IPO7: variants seen among roughly 807,000 people sequenced by gnomAD.
IPO7 encodes importin-7.
Under a neutral mutation model 136.4 loss-of-function variants are expected in IPO7, and 13 were observed. That is an observed-to-expected ratio of 0.10 (90% CI 0.06 to 0.15). The LOEUF is 0.15. Among genes scored for constraint, IPO7 ranks in the 10% least tolerant of loss-of-function variants. The pLI is 1.00. For synonymous variants in IPO7, 403 were observed against 404.4 expected (o/e 1.00, Z 0.04); for missense variants, 857 against 1,240.6 (o/e 0.69, Z 4.65).
intron 3 of IPO7, among the ~76,000 whole-genome samples, chr11:9,408,906 G>T (rs550920026): frequency 6.6e-5 from 10 of 151,516 alleles, no homozygotes; most frequent in African/African-American, 2.4e-4. Context: ...TAGAGACAGG[G>T]TTTCACCATG....
intron 3 of IPO7, 73 bp downstream of exon 3, chr11:9,408,712 T>C (rs1293556523): frequency 1.0e-6 from 1 of 988,410 alleles, no homozygotes; most frequent in Non-Finnish European, 1.4e-6. Context: ...TGGTTTTTTT[T>C]TTTTTTTTTT....
chr11:9,411,309 A>G (rs1396735437), intron 4 of IPO7, among the ~76,000 whole-genome samples: 1 of 152,190 alleles, frequency 6.6e-6, no homozygotes, highest in Non-Finnish European at 1.5e-5. Context: ...TGTGGACTGA[A>G]GCAGTTCTAA....
rs775480479 is a variant in IPO7, at chr11:9,436,363, C to T, written c.2265C>T (p.Asp755=). The part of the protein sequence containing the change: ...IILQCKGRGI[D]QCIPLFVEAA... The stretch of plus-strand genomic sequence containing the variant: ...TGCAGTGCAAAGGGCGTGGCATTGA[C>T]CAGGTCAGTGAAGCTAATAATGATT... The change falls in exon 20 of 25, where the codon GAC becomes GAT. Residue 755 remains aspartate (D), a synonymous_variant. Transcript: ENST00000379719. 3 of 1,603,650 alleles carry T rather than the reference C, an allele frequency of 1.9e-6. No homozygotes were observed. The highest frequency in any genetic ancestry group is 1.7e-4 in the Middle Eastern group (1 of 6,042).
At chr11:9,420,150 A>G (rs931471628) in intron 6 of IPO7, 1 of 367,622 alleles carries the variant, frequency 2.7e-6, no homozygotes, top group Admixed American at 4.3e-5. Context: ...CGTCTCTACT[A>G]AAAATACAAA....
chr11:9,431,135 ATATTT>A, intron 16 of IPO7, 132 bp downstream of exon 16: 2 of 585,696 alleles, frequency 3.4e-6, no homozygotes, highest in Non-Finnish European at 5.7e-6. Context: ...TTGGTACATT[ATATTT>A]TAAGTTCTAA....
chr11:9,400,810 T>C (rs1281633253), intron 1 of IPO7, among the ~76,000 whole-genome samples: 1 of 152,212 alleles, frequency 6.6e-6, no homozygotes, highest in Non-Finnish European at 1.5e-5. Flanking sequence ...GAAAATTATA[T>C]TCAAAGGAAA....
At position 9,447,665 on chromosome 11, in the gene IPO7, G is replaced by A. The variant is rs182707959; in HGVS notation, c.*2471G>A. The A allele has an allele frequency of 5.9e-5, 9 of 152,012 alleles. No homozygotes were observed. The highest frequency in any genetic ancestry group is 5.2e-4 in the Admixed American group (8 of 15,246). 9.4% of individuals were successfully genotyped at this position (152,012 alleles called of 1,614,324 possible). ...CTGTAATTTTTTTTTAGTTGTAGAA[G>A]TTAATTCTGATTTTGTGTGGATTTC... On this transcript the variant is annotated 3_prime_UTR_variant, in exon 25 of 25. Coordinates refer to ENST00000379719, the MANE Select transcript of IPO7 (RefSeq NM_006391.3).
chr11:9,408,554 T>A lies in IPO7; in HGVS notation c.235T>A (p.Ser79Thr), dbSNP rs770375683. The A allele has an allele frequency of 1.2e-6, 2 of 1,608,532 alleles. No homozygotes were observed. Among genetic ancestry groups the A allele is most frequent in the Non-Finnish European group, 1.7e-6 (2 of 1,177,114 alleles). ...PDRETAPGDI[S>T]PYTIPEEDRH... ...TCGAGAAACAGCACCAGGGGATATA[T>A]CCCCTTATACTATTCCAGAAGAAGA... Residue 79 changes from serine (S) to threonine (T), a missense_variant, in exon 3 of 25, where the codon TCC becomes ACC. By Grantham distance (58) the Ser-to-Thr change is moderately conservative. Around this residue, in one of 11 missense-constraint regions of IPO7, gnomAD observed 287 missense variants for 307.5 expected, o/e 0.93. Transcript: ENST00000379719.
At position 9,392,059 on chromosome 11, in the gene IPO7, C is replaced by T. The variant is rs77287577; in HGVS notation, c.84+7212C>T. ...TGTTTTTTTAACAAAGGCAGAGGGA[C>T]GCAGTGAAGAGCCTTAGCCTTGTCC... On this transcript the variant is annotated intron_variant, in intron 1 of 24. Coordinates refer to ENST00000379719, the MANE Select transcript of IPO7 (RefSeq NM_006391.3). 676 of 198,926 alleles carry T rather than the reference C, an allele frequency of 3.4e-3. 6 individuals carry two copies. The highest frequency in any genetic ancestry group is 0.015 in the African/African-American group (616 of 41,786). 12.3% of individuals were successfully genotyped at this position (198,926 alleles called of 1,614,324 possible).
At chr11:9,412,830 C>CAAA (rs71062848) in intron 4 of IPO7, among the ~76,000 whole-genome samples, 1 of 146,852 alleles carries the variant, frequency 6.8e-6, no homozygotes. Flanking sequence ...GCACTTTCTC[C>CAAA]AAAAAAAAAA....
Position 9,421,641 on chromosome 11 carries a change from T to C in IPO7, c.906+943T>C, listed in dbSNP as rs549520011. ...AGACTCCATCTCAAAAAAAAAAAAT[T>C]CTTAAGAAAAACTTGTTCTAAGGCT... On this transcript the variant is annotated intron_variant, in intron 8 of 24. Transcript: ENST00000379719. Among the ~76,000 whole-genome samples, 8 of 134,304 alleles carry C rather than the reference T, an allele frequency of 6.0e-5. No homozygotes were observed. In the East Asian group the frequency reaches 1.6e-3, roughly 27 times the overall value. 88.1% of individuals were successfully genotyped at this position (134,304 alleles called of 152,430 possible).
At chr11:9,421,727 G>A (rs939736592) in intron 8 of IPO7, among the ~76,000 whole-genome samples, 5 of 144,736 alleles carry the variant, frequency 3.5e-5, no homozygotes, top group East Asian at 4.2e-4. Flanking sequence ...GGCGGATCAC[G>A]AGGTCAGGAG....
Position 9,447,582 on chromosome 11 carries a change from A to G in IPO7, c.*2388A>G, listed in dbSNP as rs1042018015. On this transcript the variant is annotated 3_prime_UTR_variant, in exon 25 of 25. Transcript: ENST00000379719. ...TTACAATATTCTCTTGTAATTAGCT[A>G]CATAGGGACTTGTCTTTTTTTCTTT... 68 of 152,180 alleles carry G rather than the reference A, an allele frequency of 4.5e-4. No homozygotes were observed. Among genetic ancestry groups the G allele is most frequent in the African/African-American group, 1.6e-3 (66 of 41,456 alleles). 9.4% of individuals were successfully genotyped at this position (152,180 alleles called of 1,614,324 possible). A position where few individuals can be genotyped will look rare whatever the true frequency, so the allele number is the denominator to read the frequency against.
At chr11:9,438,985 A>G (rs1264648531) in intron 22 of IPO7, among the ~76,000 whole-genome samples, 1 of 152,186 alleles carries the variant, frequency 6.6e-6, no homozygotes, top group African/African-American at 2.4e-5. Flanking sequence ...GAGAGATTAT[A>G]GTTCCCTTTT....
intron 22 of IPO7, among the ~76,000 whole-genome samples, chr11:9,439,094 T>C (rs970466290): frequency 2.0e-5 from 3 of 152,110 alleles, no homozygotes; most frequent in Non-Finnish European, 4.4e-5. Context: ...GGTAACATAG[T>C]GAAACCCCAG....
chr11:9,442,751 G>C (rs1484213425), intron 24 of IPO7, among the ~76,000 whole-genome samples: 2 of 151,824 alleles, frequency 1.3e-5, no homozygotes, highest in South Asian at 4.2e-4. Context: ...GGCCAGGTGT[G>C]GTGGCTCATG....
In IPO7 at chr11:9,428,627, A is replaced by G; in HGVS notation, c.1423A>G (p.Arg475Gly). Residue 475 changes from arginine (R) to glycine (G), a missense_variant and splice_region_variant, in exon 13 of 25, where the codon AGG (arginine) becomes GGG (glycine). Arg to Gly is a moderately radical substitution (Grantham distance 125, BLOSUM62 -2). Coordinates refer to ENST00000379719, the MANE Select transcript of IPO7 (RefSeq NM_006391.3). ...FSSELGYMRA[R>G]ACWVLHYFCE... ...CAGTGAACTAGGCTACATGAGAGCA[A>G]GGGTATGTTTTAAAGCTGCATTATT... The G allele has an allele frequency of 6.6e-7, 1 of 1,523,580 alleles. No homozygotes were observed. The highest frequency in any genetic ancestry group is 9.1e-7 in the Non-Finnish European group (1 of 1,101,264). The allele number at this position is 1,523,580 out of a possible 1,614,324, so 94.4% of individuals were successfully genotyped here. A position where few individuals can be genotyped will look rare whatever the true frequency, so the allele number is the denominator to read the frequency against.
At chr11:9,422,782 T>TAAC (rs1388162067) in intron 8 of IPO7, among the ~76,000 whole-genome samples, 1 of 152,120 alleles carries the variant, frequency 6.6e-6, no homozygotes, top group Non-Finnish European at 1.5e-5. Flanking sequence ...ACACTGTCTC[T>TAAC]AACAACAACA....
intron 4 of IPO7, among the ~76,000 whole-genome samples, chr11:9,411,552 G>C (rs1211294846): frequency 4.6e-5 from 7 of 152,096 alleles, no homozygotes; most frequent in Non-Finnish European, 1.0e-4. Flanking sequence ...GAATAGTTTT[G>C]GACTGGTAAA....
Sources: allele counts gnomAD v4.1 joint callset (sites outside exome capture counted in the v4.1 genomes callset), GRCh38; gene constraint gnomAD v4.1.1; regional missense constraint gnomAD v4.1.1; transcripts MANE v1.5; gene names NCBI Gene and HGNC (gene_info 2026-07-23, HGNC 2026-07-21).